The following SPMIP2 variants were observed in gnomAD, a reference collection of about 807,000 sequenced individuals.
The protein encoded by SPMIP2 is sperm microtubule inner protein 2, also known as protein SPMIP2.
chr4:159,001,861 C>T, the SPMIP2 span, among the ~76,000 whole-genome samples: 1 of 152,204 alleles, frequency 6.6e-6, no homozygotes, highest in Non-Finnish European at 1.5e-5. Context: ...GTTTTATACC[C>T]AGTAATGGGA....
At chr4:159,005,541 C>T in the SPMIP2 span, among the ~76,000 whole-genome samples, 2 of 152,154 alleles carry the variant, frequency 1.3e-5, no homozygotes, top group East Asian at 1.9e-4. Flanking sequence ...TCTAACAAGT[C>T]TCCAGCTGTA....
the SPMIP2 span, among the ~76,000 whole-genome samples, chr4:159,015,960 C>T: frequency 2.0e-5 from 3 of 152,158 alleles, no homozygotes; most frequent in African/African-American, 7.2e-5. Flanking sequence ...ATAACTACAG[C>T]AAAGCTGGGT....
the SPMIP2 span, among the ~76,000 whole-genome samples, chr4:158,989,392 T>C: frequency 6.6e-6 from 1 of 152,136 alleles, no homozygotes; most frequent in East Asian, 1.9e-4. Flanking sequence ...TTAAATTTCA[T>C]ATGAAACCAA....
the SPMIP2 span, among the ~76,000 whole-genome samples, chr4:159,034,186 T>C: frequency 3.3e-5 from 5 of 152,180 alleles, no homozygotes; most frequent in African/African-American, 1.2e-4. Flanking sequence ...GTTTAGTTTA[T>C]GCCTTATAGA....
At chr4:159,048,759 G>A in the SPMIP2 span, among the ~76,000 whole-genome samples, 1 of 120,672 alleles carries the variant, frequency 8.3e-6, no homozygotes, top group African/African-American at 3.3e-5. Context: ...TTTTTTGAGA[G>A]AGTGTCCCTA....
the SPMIP2 span, among the ~76,000 whole-genome samples, chr4:158,985,418 C>A: frequency 4.0e-5 from 6 of 151,058 alleles, no homozygotes; most frequent in African/African-American, 1.5e-4. Context: ...AGCAGCACAT[C>A]AAAAAGCTTA....
chr4:158,946,318 A>C, the SPMIP2 span, among the ~76,000 whole-genome samples: 1 of 152,202 alleles, frequency 6.6e-6, no homozygotes, highest in East Asian at 1.9e-4. Flanking sequence ...GTTTGCTCTC[A>C]GTGCTGCATT....
the SPMIP2 span, chr4:158,915,019 G>A: frequency 1.6e-6 from 1 of 635,088 alleles, no homozygotes; most frequent in Non-Finnish European, 2.7e-6. Flanking sequence ...ACATCACTGT[G>A]GCAATCCAGT....
the SPMIP2 span, among the ~76,000 whole-genome samples, chr4:158,943,663 C>G: frequency 6.6e-6 from 1 of 152,078 alleles, no homozygotes; most frequent in African/African-American, 2.4e-5. Context: ...CCATACCCCA[C>G]ACTTACATGT....
At chr4:158,901,048 CA>C in the SPMIP2 span, among the ~76,000 whole-genome samples, 1 of 151,532 alleles carries the variant, frequency 6.6e-6, no homozygotes, top group Non-Finnish European at 1.5e-5. Flanking sequence ...AATCTCTCAG[CA>C]TTTGCTTGTC....
At chr4:158,980,404 G>C in the SPMIP2 span, among the ~76,000 whole-genome samples, 1 of 152,218 alleles carries the variant, frequency 6.6e-6, no homozygotes, top group Non-Finnish European at 1.5e-5. Context: ...CATGTCTCCT[G>C]ACTGGGAGAT....
chr4:158,923,978 G>C, the SPMIP2 span, among the ~76,000 whole-genome samples: 1 of 152,152 alleles, frequency 6.6e-6, no homozygotes, highest in Non-Finnish European at 1.5e-5. Flanking sequence ...GTTAGGTGAG[G>C]TCATAAGGGT....
At chr4:158,970,475 G>A in the SPMIP2 span, among the ~76,000 whole-genome samples, 1 of 152,120 alleles carries the variant, frequency 6.6e-6, no homozygotes, top group Admixed American at 6.5e-5. Flanking sequence ...AGGAGATGGA[G>A]GCTGCAGTGA....
chr4:159,078,592 G>C, the SPMIP2 span, among the ~76,000 whole-genome samples: 165 of 152,282 alleles, frequency 1.1e-3, no homozygotes, highest in Non-Finnish European at 1.4e-3. Flanking sequence ...CCAAAGCCTG[G>C]GTATTTAATG....
the SPMIP2 span, chr4:158,960,461 T>C: frequency 1.7e-5 from 10 of 581,176 alleles, no homozygotes; most frequent in Admixed American, 3.2e-4. Context: ...TAGAAAATGC[T>C]AAATTCAGTT....
the SPMIP2 span, among the ~76,000 whole-genome samples, chr4:159,073,135 ACATTTT>A: frequency 6.6e-6 from 1 of 152,060 alleles, no homozygotes; most frequent in Non-Finnish European, 1.5e-5. Context: ...TAGGAAGAAT[ACATTTT>A]CTTTTTCTTT....
At chr4:159,005,839 A>G in the SPMIP2 span, among the ~76,000 whole-genome samples, 1 of 152,150 alleles carries the variant, frequency 6.6e-6, no homozygotes, top group Non-Finnish European at 1.5e-5. Flanking sequence ...ATCTCGGCTC[A>G]CTGTAACCTC....
At chr4:158,930,586 G>T in the SPMIP2 span, among the ~76,000 whole-genome samples, 5 of 151,626 alleles carry the variant, frequency 3.3e-5, no homozygotes. Context: ...TGAACTCCTG[G>T]ACTCCAGTGA....
the SPMIP2 span, among the ~76,000 whole-genome samples, chr4:159,032,319 T>G: frequency 6.6e-6 from 1 of 152,240 alleles, no homozygotes; most frequent in Non-Finnish European, 1.5e-5. Context: ...TCTGTTTGTA[T>G]CTTTCACCTG....
Sources: allele counts gnomAD v4.1 joint callset (sites outside exome capture counted in the v4.1 genomes callset), GRCh38; gene constraint gnomAD v4.1.1; transcripts MANE v1.5; gene names NCBI Gene and HGNC (gene_info 2026-07-23, HGNC 2026-07-21).